Variants in PDE10A observed in about 807,000 individuals in gnomAD.
PDE10A encodes phosphodiesterase 10A, also known as cAMP and cAMP-inhibited cGMP 3',5'-cyclic phosphodiesterase 10A.
A neutral mutation model predicts 97.7 loss-of-function variants in PDE10A; 39 were observed. The observed-to-expected ratio is 0.40, with a 90% CI of 0.31 to 0.52. The LOEUF is 0.52. Among genes scored for constraint, PDE10A ranks in the 20% least tolerant of loss-of-function variants. PDE10A has a pLI of 0.56. For missense variants in PDE10A, 731 were observed against 1,047.8 expected (o/e 0.70, Z 4.17); for synonymous variants, 371 against 376.8 (o/e 0.98, Z 0.18).
At chr6:165,376,319 A>G (rs1784600228) in intron 18 of PDE10A, among the ~76,000 whole-genome samples, 2 of 152,252 alleles carry the variant, frequency 1.3e-5, no homozygotes, top group Non-Finnish European at 2.9e-5. Context: ...TGATGCAATC[A>G]TGATCAAACT....
At chr6:165,721,912 C>T (rs1792176336) in intron 1 of PDE10A, among the ~76,000 whole-genome samples, 1 of 152,198 alleles carries the variant, frequency 6.6e-6, no homozygotes, top group Non-Finnish European at 1.5e-5. Context: ...CTCAGAACTA[C>T]TTATTACAGT....
intron 5 of PDE10A, among the ~76,000 whole-genome samples, chr6:165,438,665 T>C (rs1013045880): frequency 5.9e-5 from 9 of 152,224 alleles, no homozygotes; most frequent in Admixed American, 2.0e-4. Context: ...TTTTATAAGC[T>C]ATACACTTTG....
At chr6:165,344,201 T>C (rs955047615) in intron 18 of PDE10A, among the ~76,000 whole-genome samples, 2 of 152,150 alleles carry the variant, frequency 1.3e-5, no homozygotes, top group Admixed American at 6.6e-5. Flanking sequence ...ATCTTTCCTC[T>C]TGAAGAAAAA....
At chr6:165,902,680 C>A (rs1583260582) in intron 1 of PDE10A, among the ~76,000 whole-genome samples, 1 of 152,180 alleles carries the variant, frequency 6.6e-6, no homozygotes, top group East Asian at 1.9e-4. Context: ...TCCTCGCCAT[C>A]CTTCCCATTC....
chr6:165,428,728 A>C lies in PDE10A; in HGVS notation c.1602-19T>G. ...ATATGTTCTGAAAAAAAGAAACATAAATCCTGTAAGTAATTTCATTAGTTC... is the reference window on the plus strand; with the variant it reads ...ATATGTTCTGAAAAAAAGAAACATACATCCTGTAAGTAATTTCATTAGTTC... On this transcript the variant is annotated intron_variant, in intron 9 of 21. Transcript: ENST00000539869. 1 of 1,018,090 alleles carries C rather than the reference A, an allele frequency of 9.8e-7. No homozygotes were observed. The highest frequency in any genetic ancestry group is 1.5e-6 in the Non-Finnish European group (1 of 658,424). The allele number at this position is 1,018,090 out of a possible 1,614,324, so 63.1% of individuals were successfully genotyped here. A position where few individuals can be genotyped will look rare whatever the true frequency, so the allele number is the denominator to read the frequency against.
chr6:165,560,895 T>C (rs1562581825), intron 1 of PDE10A, among the ~76,000 whole-genome samples: 2 of 152,218 alleles, frequency 1.3e-5, no homozygotes, highest in East Asian at 1.9e-4. Flanking sequence ...TGTCTCGTGA[T>C]AGAGTTCTCA....
chr6:165,912,341 A>C (rs1055207296), intron 1 of PDE10A, among the ~76,000 whole-genome samples: 7 of 152,050 alleles, frequency 4.6e-5, no homozygotes, highest in African/African-American at 1.7e-4. Context: ...TATATCAGTA[A>C]CTCCCACATT....
chr6:165,708,699 T>C (rs1791786400), intron 1 of PDE10A, among the ~76,000 whole-genome samples: 1 of 150,400 alleles, frequency 6.6e-6, no homozygotes, highest in African/African-American at 2.5e-5. Flanking sequence ...TCCTGCGCTC[T>C]CCTCACCACT....
chr6:165,408,278 C>T (rs1362525330), intron 13 of PDE10A, among the ~76,000 whole-genome samples: 1 of 152,194 alleles, frequency 6.6e-6, no homozygotes, highest in Non-Finnish European at 1.5e-5. Flanking sequence ...TTGATCATTA[C>T]TAATGTATGT....
At chr6:165,788,829 A>G (rs1388375898) in intron 1 of PDE10A, among the ~76,000 whole-genome samples, 1 of 152,072 alleles carries the variant, frequency 6.6e-6, no homozygotes, top group African/African-American at 2.4e-5. Flanking sequence ...TGCAGGTTTG[A>G]ATGAGGGAGA....
intron 2 of PDE10A, among the ~76,000 whole-genome samples, chr6:165,525,094 C>A (rs537509): frequency 6.6e-6 from 1 of 151,948 alleles, no homozygotes. Context: ...CCCAATACTC[C>A]TTTGCTTCTA....
At chr6:165,717,608 C>T (rs60677838) in intron 1 of PDE10A, among the ~76,000 whole-genome samples, 1,588 of 151,802 alleles carry the variant, frequency 0.01, 31 homozygotes, top group African/African-American at 0.037. Context: ...GTATAAATGT[C>T]ATTTTGAAAT....
rs893458079 is a variant in PDE10A, at chr6:165,621,130, GA to G, written c.865+40816del. ...ACATGTATTGTCCTGAGTATTTGAAGAAAAAAAATTTAAATGACCCTAATCA... is the reference window on the plus strand; with the variant it reads ...ACATGTATTGTCCTGAGTATTTGAAGAAAAAAATTTAAATGACCCTAATCA... On this transcript the variant is annotated intron_variant, in intron 1 of 21. Coordinates refer to ENST00000539869, the MANE Select transcript of PDE10A (RefSeq NM_001385079.1). 1.1e-3 allele frequency among the ~76,000 whole-genome samples: 164 copies of G among 151,050 alleles called. 3 individuals carry two copies. Among genetic ancestry groups the G allele is most frequent in the Admixed American group, 4.8e-3 (73 of 15,160 alleles).
At chr6:165,370,967 T>C (rs1311162227) in intron 18 of PDE10A, among the ~76,000 whole-genome samples, 1 of 135,646 alleles carries the variant, frequency 7.4e-6, no homozygotes, top group African/African-American at 3.0e-5. Context: ...AACAACCTGC[T>C]CCTGAATGAC....
At chr6:165,398,964 A>C (rs1459158813) in intron 13 of PDE10A, among the ~76,000 whole-genome samples, 1 of 152,228 alleles carries the variant, frequency 6.6e-6, no homozygotes, top group Non-Finnish European at 1.5e-5. Flanking sequence ...ACATAGAGTA[A>C]AATTAAAATG....
chr6:165,427,442 A>G (rs994993897), intron 10 of PDE10A, among the ~76,000 whole-genome samples: 2 of 152,112 alleles, frequency 1.3e-5, no homozygotes, highest in African/African-American at 4.8e-5. Flanking sequence ...GAACGTAGAC[A>G]ATGATTGCTT....
chr6:165,555,535 T>C (rs1784210397), intron 1 of PDE10A, among the ~76,000 whole-genome samples: 1 of 152,170 alleles, frequency 6.6e-6, no homozygotes, highest in South Asian at 2.1e-4. Context: ...AAATTAAGAT[T>C]GTAAGAGAAA....
intron 1 of PDE10A, among the ~76,000 whole-genome samples, chr6:165,800,845 A>T (rs1342451618): frequency 1.3e-5 from 2 of 152,232 alleles, no homozygotes; most frequent in African/African-American, 4.8e-5. Context: ...GGCAGCGTCC[A>T]GCCAGAGAGG....
chr6:165,412,077 C>T (rs220752), intron 13 of PDE10A, among the ~76,000 whole-genome samples: 123,771 of 151,736 alleles, frequency 0.82, 51,337 homozygotes, highest in African/African-American at 0.95. Flanking sequence ...TAATAGTTGA[C>T]TTGATCACAT....
Sources: allele counts gnomAD v4.1 joint callset (sites outside exome capture counted in the v4.1 genomes callset), GRCh38; gene constraint gnomAD v4.1.1; transcripts MANE v1.5; gene names NCBI Gene and HGNC (gene_info 2026-07-23, HGNC 2026-07-21).